The following PCDH7 variants were observed in gnomAD, a reference collection of about 807,000 sequenced individuals.
The protein encoded by PCDH7 is protocadherin-7.
A neutral mutation model predicts 58.9 loss-of-function variants in PCDH7; 17 were observed. The ratio of observed to expected loss-of-function variants is 0.29; its 90% CI spans 0.20 to 0.43. PCDH7 has a LOEUF of 0.43. Ranked by LOEUF, PCDH7 falls within the 20% of genes least tolerant of loss-of-function variation. The pLI is 1.00. For missense variants in PCDH7, 1,274 were observed against 1,441.0 expected, an observed-to-expected ratio of 0.88 and a Z score of 1.88; for synonymous variants, 664 against 616.4, an observed-to-expected ratio of 1.08 and a Z score of -1.14.
intron 1 of PCDH7, among the ~76,000 whole-genome samples, chr4:30,740,812 C>G (rs1225365564): frequency 6.6e-6 from 1 of 151,902 alleles, no homozygotes; most frequent in African/African-American, 2.4e-5. Flanking sequence ...CCTATGTCAT[C>G]TAACAGTTTT....
intron 2 of PCDH7, among the ~76,000 whole-genome samples, chr4:30,922,858 C>A (rs758528708): frequency 6.6e-6 from 1 of 152,094 alleles, no homozygotes; most frequent in Non-Finnish European, 1.5e-5. Flanking sequence ...TAGCAGTTGA[C>A]CTTTGAGTAA....
chr4:30,962,368 T>G (rs571233970), intron 3 of PCDH7, among the ~76,000 whole-genome samples: 1 of 152,318 alleles, frequency 6.6e-6, no homozygotes, highest in Admixed American at 6.5e-5. Context: ...TTGGACCGCC[T>G]ATGTAATACT....
intron 3 of PCDH7, among the ~76,000 whole-genome samples, chr4:30,982,302 G>T (rs983821526): frequency 4.6e-5 from 7 of 152,180 alleles, no homozygotes; most frequent in Non-Finnish European, 1.0e-4. Flanking sequence ...TAGCCCCGTT[G>T]TCTTTTTCAT....
chr4:30,933,463 G>A (rs1288598525), intron 2 of PCDH7, among the ~76,000 whole-genome samples: 1 of 152,116 alleles, frequency 6.6e-6, no homozygotes, highest in Non-Finnish European at 1.5e-5. Context: ...CCACAATCTT[G>A]TGTCTCTAAC....
chr4:30,744,305 A>G (rs1011589266), intron 1 of PCDH7, among the ~76,000 whole-genome samples: 10 of 152,232 alleles, frequency 6.6e-5, no homozygotes, highest in Admixed American at 5.9e-4. Flanking sequence ...AGTTTCCAAC[A>G]TTCCTTGATT....
intron 3 of PCDH7, among the ~76,000 whole-genome samples, chr4:31,003,119 A>T (rs1251927037): frequency 6.6e-6 from 1 of 152,214 alleles, no homozygotes; most frequent in Non-Finnish European, 1.5e-5. Flanking sequence ...TTCTTTAAAA[A>T]TACTTACCAT....
intron 1 of PCDH7, among the ~76,000 whole-genome samples, chr4:30,765,085 A>G (rs1720547878): frequency 7.1e-6 from 1 of 140,922 alleles, no homozygotes; most frequent in Non-Finnish European, 1.5e-5. Context: ...TTTGCAATTA[A>G]CAAGGTTACT....
intron 2 of PCDH7, among the ~76,000 whole-genome samples, chr4:30,929,533 C>G (rs1744300668): frequency 6.6e-6 from 1 of 151,900 alleles, no homozygotes; most frequent in East Asian, 1.9e-4. Context: ...TCCTCTGGAA[C>G]AGAGTTTCAA....
chr4:31,057,299 A>G (rs952503665), intron 3 of PCDH7, among the ~76,000 whole-genome samples: 1 of 152,154 alleles, frequency 6.6e-6, no homozygotes, highest in Non-Finnish European at 1.5e-5. Context: ...AAATAAAGTC[A>G]TCATAGAAAA....
intron 3 of PCDH7, among the ~76,000 whole-genome samples, chr4:31,076,629 A>T (rs1392801185): frequency 6.6e-6 from 1 of 152,176 alleles, no homozygotes; most frequent in Non-Finnish European, 1.5e-5. Context: ...TATTTCTCAA[A>T]ATCCCCATAT....
chr4:30,802,364 A>G (rs1316412387), intron 1 of PCDH7, among the ~76,000 whole-genome samples: 1 of 152,166 alleles, frequency 6.6e-6, no homozygotes, highest in East Asian at 1.9e-4. Flanking sequence ...GAATTTATGC[A>G]GGAAAGAAAA....
At chr4:31,108,184 T>C (rs73812532) in intron 3 of PCDH7, among the ~76,000 whole-genome samples, 4,757 of 151,874 alleles carry the variant, frequency 0.031, 98 homozygotes, top group Non-Finnish European at 0.034. Context: ...AATCTGTAAA[T>C]ATTCAACCTA....
rs59475682 is a variant in PCDH7 at position 30,914,364 on chromosome 4, C to T, written c.71-5789C>T. On this transcript the variant is annotated intron_variant, in intron 1 of 3. Transcript: ENST00000509759. Reference sequence around the variant, plus strand: ...AGTAGTACCTATAGGAGGGTATGTCCTTAAGTGAAAGTCTCTAGTATGTCA... The same window carrying T: ...AGTAGTACCTATAGGAGGGTATGTCTTTAAGTGAAAGTCTCTAGTATGTCA... 5.8e-3 allele frequency among the ~76,000 whole-genome samples: 878 copies of T among 152,108 alleles called. 16 individuals are homozygous for T. Among genetic ancestry groups the T allele is most frequent in the African/African-American group, 0.02 (849 of 41,492 alleles).
rs188650749 is a variant in PCDH7, at chr4:30,759,321, T to G, written c.70+34725T>G. ...TGGATAAGAACAGAAATCATTCTGT[T>G]CATCCTCTGTCCGAATTTCTTGTTG... On this transcript the variant is annotated intron_variant, in intron 1 of 3. Coordinates refer to the PCDH7 transcript ENST00000509759. 2.5e-3 allele frequency among the ~76,000 whole-genome samples: 388 copies of G among 152,280 alleles called. 2 individuals carry two copies. The highest frequency in any genetic ancestry group is 9.0e-3 in the African/African-American group (373 of 41,542).
chr4:30,796,820 G>A (rs976220273), intron 1 of PCDH7, among the ~76,000 whole-genome samples: 3 of 151,904 alleles, frequency 2.0e-5, no homozygotes, highest in Non-Finnish European at 4.4e-5. Context: ...AGGCTTTTAC[G>A]TGCTTTGCAC....
intron 1 of PCDH7, among the ~76,000 whole-genome samples, chr4:30,907,376 C>T (rs1037896728): frequency 6.6e-6 from 1 of 152,104 alleles, no homozygotes; most frequent in Non-Finnish European, 1.5e-5. Context: ...GGCTAATATC[C>T]AGAATCTACA....
chr4:30,871,398 C>T (rs1735564796), intron 1 of PCDH7, among the ~76,000 whole-genome samples: 1 of 151,938 alleles, frequency 6.6e-6, no homozygotes, highest in African/African-American at 2.4e-5. Flanking sequence ...TCCTGTGCAT[C>T]CAGCCTGAAG....
intron 1 of PCDH7, among the ~76,000 whole-genome samples, chr4:30,912,790 A>G (rs962560586): frequency 2.0e-5 from 3 of 152,168 alleles, no homozygotes; most frequent in Non-Finnish European, 2.9e-5. Flanking sequence ...GTTATAAAAA[A>G]TGGACTCCAA....
At chr4:30,887,147 C>T (rs908871317) in intron 1 of PCDH7, among the ~76,000 whole-genome samples, 1 of 151,940 alleles carries the variant, frequency 6.6e-6, no homozygotes, top group Non-Finnish European at 1.5e-5. Context: ...TAAAAAAAAG[C>T]TATGTATAGG....
Sources: allele counts gnomAD v4.1 joint callset (sites outside exome capture counted in the v4.1 genomes callset), GRCh38; gene constraint gnomAD v4.1.1; transcripts MANE v1.5; gene names NCBI Gene and HGNC (gene_info 2026-07-23, HGNC 2026-07-21).